Variants in MIDEAS observed in about 807,000 individuals in gnomAD.
MIDEAS encodes the protein mitotic deacetylase associated SANT domain protein.
MIDEAS carries 26 observed loss-of-function variants against 102.7 expected under a neutral mutation model. That is an observed-to-expected ratio of 0.25 (90% CI 0.19 to 0.35). MIDEAS has a LOEUF of 0.35. Ranked by LOEUF, MIDEAS falls within the 10% of genes least tolerant of loss-of-function variation. The probability of loss-of-function intolerance (pLI) is 1.00; values close to 1 mark genes in which losing one functional copy is unlikely to be tolerated. For synonymous variants in MIDEAS, 585 were observed against 591.0 expected, an observed-to-expected ratio of 0.99 and a Z score of 0.15; for missense variants, 1,231 against 1,435.6, an observed-to-expected ratio of 0.86 and a Z score of 2.30.
chr14:73,738,864 A>T lies in MIDEAS; in HGVS notation c.1145T>A (p.Leu382Gln). The T allele has an allele frequency of 6.4e-7, 1 of 1,570,900 alleles. No homozygotes were observed. Among genetic ancestry groups the T allele is most frequent in the East Asian group, 2.3e-5 (1 of 44,272 alleles). Residue 382 changes from leucine (L) to glutamine (Q), a missense_variant, in exon 2 of 13, where the codon CTG (leucine) becomes CAG (glutamine). Leu to Gln is a moderately radical substitution (Grantham distance 113, BLOSUM62 -2). Coordinates refer to ENST00000423556, the MANE Select transcript of MIDEAS (RefSeq NM_001367710.1). ...TGNLFLHHWP[L>Q]QQPPPGSLGQ... ...CAGGGAGCCAGGTGGCGGCTGCTGC[A>T]GGGGCCAGTGATGTAGGAACAGGTT...
chr14:73,780,713 T>G (rs2053747524), intron 1 of MIDEAS, among the ~76,000 whole-genome samples: 1 of 152,180 alleles, frequency 6.6e-6, no homozygotes, highest in Non-Finnish European at 1.5e-5. Context: ...TCTTGGGAAC[T>G]GGGAGCATTC....
At position 73,718,693 on chromosome 14, in the gene MIDEAS, G is replaced by A; in HGVS notation, c.*150C>T. 1 of 779,568 alleles carries A rather than the reference G, an allele frequency of 1.3e-6. No individual in the cohort carries two copies. The highest frequency in any genetic ancestry group is 3.5e-5 in the East Asian group (1 of 28,600). 48.3% of individuals were successfully genotyped at this position (779,568 alleles called of 1,614,324 possible). A position where few individuals can be genotyped will look rare whatever the true frequency, so the allele number is the denominator to read the frequency against. ...TCCCAGGGCCTTCATAAATAAAAGA[G>A]CCGTTTATGTCATTGTCTCATTTGT... On this transcript the variant is annotated 3_prime_UTR_variant, in exon 13 of 13. Coordinates refer to ENST00000423556, the MANE Select transcript of MIDEAS (RefSeq NM_001367710.1).
chr14:73,738,810 A>G lies in MIDEAS; in HGVS notation c.1199T>C (p.Phe400Ser). 1 of 1,574,406 alleles carries G rather than the reference A, an allele frequency of 6.4e-7. No individual in the cohort carries two copies. The change falls in exon 2 of 13, where the codon TTC becomes TCC. Residue 400 changes from phenylalanine (F) to serine (S), a missense_variant. Physicochemically the swap from Phe to Ser is radical, Grantham distance 155 (BLOSUM62 -2). Around this residue, in one of 5 missense-constraint regions of MIDEAS, gnomAD observed 758 missense variants for 856.0 expected, o/e 0.89. Coordinates refer to ENST00000423556, the MANE Select transcript of MIDEAS (RefSeq NM_001367710.1). ...LGQPHPEALGFPLELRESQLL... is the reference protein window; with the variant it reads ...LGQPHPEALGSPLELRESQLL... ...CTGCGACTCCCTCAGCTCCAGCGGGAATCCCAGAGCTTCAGGATGGGGCTG... is the reference window on the plus strand; with the variant it reads ...CTGCGACTCCCTCAGCTCCAGCGGGGATCCCAGAGCTTCAGGATGGGGCTG...
intron 7 of MIDEAS, 55 bp downstream of exon 7, chr14:73,726,549 G>A: frequency 6.5e-7 from 1 of 1,549,288 alleles, no homozygotes; most frequent in Non-Finnish European, 8.9e-7. Context: ...AGCAGACATG[G>A]ATCCAAGCCA....
chr14:73,775,457 G>C (rs1281291165), intron 1 of MIDEAS, among the ~76,000 whole-genome samples: 2 of 151,998 alleles, frequency 1.3e-5, no homozygotes, highest in Non-Finnish European at 1.5e-5. Context: ...TGTAAACTAG[G>C]CCAGAACCAA....
chr14:73,787,428 G>A (rs1227034475), upstream of MIDEAS: 1 of 152,200 alleles, frequency 6.6e-6, no homozygotes, highest in Admixed American at 6.5e-5. Flanking sequence ...CGCCCTGGGA[G>A]GGAAGCCTCG....
rs534262587 is a variant in MIDEAS at position 73,775,535 on chromosome 14, C to T, written c.-248+11567G>A. Among the ~76,000 whole-genome samples, 8 of 151,998 alleles carry T rather than the reference C, an allele frequency of 5.3e-5. 1 individual carries two copies. Among genetic ancestry groups the T allele is most frequent in the African/African-American group, 1.2e-4 (5 of 41,436 alleles). ...GAGCCAACCAGGCCATGCATCTAAGCGATCCAAGCCTCAGGATCAGGAATC... is the reference window on the plus strand; with the variant it reads ...GAGCCAACCAGGCCATGCATCTAAGTGATCCAAGCCTCAGGATCAGGAATC... On this transcript the variant is annotated intron_variant, in intron 1 of 11. Coordinates refer to the MIDEAS transcript ENST00000394071.
upstream of MIDEAS, among the ~76,000 whole-genome samples, chr14:73,763,063 C>T (rs2053566414): frequency 6.6e-6 from 1 of 152,110 alleles, no homozygotes; most frequent in Non-Finnish European, 1.5e-5. Context: ...AGGCCAGGCA[C>T]AGTGGTTCAC....
intron 1 of MIDEAS, among the ~76,000 whole-genome samples, chr14:73,772,402 G>A (rs1359138160): frequency 6.6e-6 from 1 of 152,198 alleles, no homozygotes; most frequent in Non-Finnish European, 1.5e-5. Flanking sequence ...TATGGGCAGT[G>A]TAATCAGTTT....
intron 1 of MIDEAS, among the ~76,000 whole-genome samples, chr14:73,751,519 G>A (rs536854718): frequency 6.6e-6 from 1 of 151,874 alleles, no homozygotes; most frequent in South Asian, 2.1e-4. Flanking sequence ...CCAACCTGTG[G>A]AGGGCTCGGC....
Position 73,718,587 on chromosome 14 carries a change from C to G in MIDEAS, c.*256G>C, listed in dbSNP as rs926721397. 8.7e-6 allele frequency: 3 copies of G among 346,710 alleles called. No homozygotes were observed. Among genetic ancestry groups the G allele is most frequent in the Non-Finnish European group, 1.0e-5 (2 of 194,806 alleles). The allele number at this position is 346,710 out of a possible 1,614,324, so 21.5% of individuals were successfully genotyped here. A position where few individuals can be genotyped will look rare whatever the true frequency, so the allele number is the denominator to read the frequency against. On this transcript the variant is annotated 3_prime_UTR_variant, in exon 13 of 13. Coordinates refer to ENST00000423556, the MANE Select transcript of MIDEAS (RefSeq NM_001367710.1). ...AGTCCCTCCCGAGGGGACCGGGACTCTCCCGGTCCAGGAAAGCACGAGGAC... is the reference window on the plus strand; with the variant it reads ...AGTCCCTCCCGAGGGGACCGGGACTGTCCCGGTCCAGGAAAGCACGAGGAC...
chr14:73,772,334 T>C (rs368983952), intron 1 of MIDEAS, among the ~76,000 whole-genome samples: 2 of 152,356 alleles, frequency 1.3e-5, no homozygotes, highest in East Asian at 3.9e-4. Context: ...CACACACACA[T>C]GCTCTACCCA....
At position 73,737,314 on chromosome 14, in the gene MIDEAS, C is replaced by A; in HGVS notation, c.1450-17G>T. On this transcript the variant is annotated splice_polypyrimidine_tract_variant and intron_variant, in intron 2 of 12. Coordinates refer to ENST00000423556, the MANE Select transcript of MIDEAS (RefSeq NM_001367710.1). ...ACTGCCATCCTGGACAAGATGGGAACAGAAGTGCAATTTAAAAGGTAAGTC... is the reference window on the plus strand; with the variant it reads ...ACTGCCATCCTGGACAAGATGGGAAAAGAAGTGCAATTTAAAAGGTAAGTC... The A allele has an allele frequency of 6.3e-7, 1 of 1,598,616 alleles. No homozygotes were observed.
At position 73,718,718 on chromosome 14, in the gene MIDEAS, T is replaced by C; in HGVS notation, c.*125A>G. 1 of 1,015,576 alleles carries C rather than the reference T, an allele frequency of 9.8e-7. No individual in the cohort carries two copies. Among genetic ancestry groups the C allele is most frequent in the South Asian group, 2.6e-5 (1 of 37,996 alleles). The allele number at this position is 1,015,576 out of a possible 1,614,324, so 62.9% of individuals were successfully genotyped here. On this transcript the variant is annotated 3_prime_UTR_variant, in exon 13 of 13. Transcript: ENST00000423556. ...GCCGTTTATGTCATTGTCTCATTTG[T>C]TTCGCAGGGAAAAGTCCCTGCAATC...
chr14:73,721,621 G>T, intron 10 of MIDEAS, 112 bp from the exon 11 acceptor site: 1 of 928,076 alleles, frequency 1.1e-6, no homozygotes, highest in Non-Finnish European at 1.7e-6. Context: ...TGCTCGCCTG[G>T]CTGGCCCAGC....
intron 9 of MIDEAS, chr14:73,724,925 C>T: frequency 4.3e-6 from 1 of 232,952 alleles, no homozygotes; most frequent in Non-Finnish European, 8.8e-6. Flanking sequence ...CCCCAGGGTG[C>T]CCTCCCCCTG....
At chr14:73,730,933 G>A (rs530730979) in intron 3 of MIDEAS, among the ~76,000 whole-genome samples, 1 of 152,198 alleles carries the variant, frequency 6.6e-6, no homozygotes, top group East Asian at 1.9e-4. Context: ...ACTCTAGCCT[G>A]GGCAACAGAA....
intron 1 of MIDEAS, among the ~76,000 whole-genome samples, chr14:73,741,302 G>A (rs929883184): frequency 6.6e-6 from 1 of 152,112 alleles, no homozygotes; most frequent in Non-Finnish European, 1.5e-5. Flanking sequence ...GTATTTTATA[G>A]CATAGCTGCT....
At position 73,746,622 on chromosome 14, in the gene MIDEAS, C is replaced by A. The variant is rs935138637; in HGVS notation, c.-247-6367G>T. On this transcript the variant is annotated intron_variant, in intron 1 of 12. Transcript: ENST00000423556. ...GAGGCTGCTGCACTACCTCCCTTCC[C>A]TTCTGGAAAGGCCTGGCTCCCCAGC... is the stretch of plus-strand genomic sequence containing the variant. Among the ~76,000 whole-genome samples the A allele has an allele frequency of 7.9e-5, 12 of 152,338 alleles. No individual in the cohort carries two copies. The East Asian group carries it at 2.3e-3, about 29-fold the overall frequency.
Sources: allele counts gnomAD v4.1 joint callset (sites outside exome capture counted in the v4.1 genomes callset), GRCh38; gene constraint gnomAD v4.1.1; regional missense constraint gnomAD v4.1.1; transcripts MANE v1.5; gene names NCBI Gene and HGNC (gene_info 2026-07-23, HGNC 2026-07-21).